The following CDH12 variants were observed in gnomAD, a reference collection of about 807,000 sequenced individuals.
CDH12 encodes cadherin-12.
CDH12 carries 41 observed loss-of-function variants against 74.1 expected under a neutral mutation model. That is an observed-to-expected ratio of 0.55 (90% CI 0.43 to 0.72). The LOEUF is 0.72. CDH12 is among the 30% of genes least tolerant of loss of function. The pLI is 0.00. For synonymous variants in CDH12, 399 were observed against 355.0 expected (o/e 1.12, Z -1.39); for missense variants, 945 against 977.2 (o/e 0.97, Z 0.44).
intron 5 of CDH12, among the ~76,000 whole-genome samples, chr5:22,078,057 C>G (rs1235331999): frequency 6.6e-6 from 1 of 152,002 alleles, no homozygotes; most frequent in African/African-American, 2.4e-5. Context: ...TTCTCTGTGT[C>G]TCTTATTGCT....
intron 2 of CDH12, among the ~76,000 whole-genome samples, chr5:22,464,408 T>G (rs572910728): frequency 6.6e-6 from 1 of 152,222 alleles, no homozygotes; most frequent in Non-Finnish European, 1.5e-5. Context: ...TCCTCAACTC[T>G]TCCTCACCTT....
chr5:22,732,203 C>T (rs529203769), intron 1 of CDH12, among the ~76,000 whole-genome samples: 1 of 151,920 alleles, frequency 6.6e-6, no homozygotes, highest in Non-Finnish European at 1.5e-5. Flanking sequence ...TGGCTTATAG[C>T]TGCCAGTTTT....
At chr5:22,814,866 T>A (rs1749313084) in intron 1 of CDH12, among the ~76,000 whole-genome samples, 1 of 152,188 alleles carries the variant, frequency 6.6e-6, no homozygotes, top group African/African-American at 2.4e-5. Flanking sequence ...TATGTATAAA[T>A]GAGTGGCATT....
At chr5:22,503,498 A>T (rs1190895861) in intron 2 of CDH12, among the ~76,000 whole-genome samples, 1 of 152,040 alleles carries the variant, frequency 6.6e-6, no homozygotes, top group Non-Finnish European at 1.5e-5. Context: ...CACTGAGATT[A>T]TTCTCAGCTG....
rs78780527 is a variant in CDH12, at chr5:22,719,140, G to A, written c.-523+133918C>T. ...ATCTGAAGTGAGGGCAGTCTTGTGGGGATGGTTCCCTCAGCCTTTGCAGTT... is the reference window on the plus strand; with the variant it reads ...ATCTGAAGTGAGGGCAGTCTTGTGGAGATGGTTCCCTCAGCCTTTGCAGTT... On this transcript the variant is annotated intron_variant, in intron 1 of 14. Transcript: ENST00000382254. Among the ~76,000 whole-genome samples the A allele has an allele frequency of 2.5e-4, 38 of 152,178 alleles. No individual in the cohort carries two copies. The East Asian group carries it at 7.2e-3, about 29-fold the overall frequency.
chr5:21,841,238 C>T (rs1406323093), intron 8 of CDH12, among the ~76,000 whole-genome samples: 2 of 150,698 alleles, frequency 1.3e-5, no homozygotes, highest in African/African-American at 4.8e-5. Context: ...ATTTATGCAG[C>T]CAAAAAACAC....
chr5:22,140,451 A>G (rs938928508), intron 4 of CDH12, among the ~76,000 whole-genome samples: 12 of 75,268 alleles, frequency 1.6e-4, no homozygotes, highest in African/African-American at 3.8e-4. Flanking sequence ...TAAAAAGAGA[A>G]GTAAGTTTCC....
intron 4 of CDH12, among the ~76,000 whole-genome samples, chr5:22,152,902 C>T (rs926118419): frequency 4.6e-5 from 7 of 152,176 alleles, no homozygotes; most frequent in South Asian, 4.1e-4. Context: ...CTTAACGTAA[C>T]GTCCTCTAGG....
At chr5:22,665,557 T>A (rs1184873749) in intron 1 of CDH12, among the ~76,000 whole-genome samples, 1 of 152,182 alleles carries the variant, frequency 6.6e-6, no homozygotes, top group Non-Finnish European at 1.5e-5. Context: ...CTTGAGAGCA[T>A]TTCTAATGTT....
chr5:22,615,817 G>C (rs1449615279), intron 1 of CDH12, among the ~76,000 whole-genome samples: 1 of 152,102 alleles, frequency 6.6e-6, no homozygotes, highest in Admixed American at 6.6e-5. Context: ...ACCAGATAAT[G>C]AATGTATGGT....
At chr5:21,753,050 T>C (rs1003838085) in intron 14 of CDH12, among the ~76,000 whole-genome samples, 2 of 152,178 alleles carry the variant, frequency 1.3e-5, no homozygotes, top group Non-Finnish European at 2.9e-5. Flanking sequence ...AAATCAATGG[T>C]GTTTATTTCT....
chr5:22,242,526 C>G lies in CDH12; in HGVS notation c.-332-29883G>C, dbSNP rs746358448. ...TTCTAATCTCCCATCTCTAAATCCA[C>G]TTTTCCATAGTCTGTACTGGAATGT... On this transcript the variant is annotated intron_variant, in intron 3 of 14. Coordinates refer to ENST00000382254, the MANE Select transcript of CDH12 (RefSeq NM_004061.5). Among the ~76,000 whole-genome samples the G allele has an allele frequency of 2.0e-5, 3 of 152,164 alleles. 1 individual carries two copies. Among genetic ancestry groups the G allele is most frequent in the Admixed American group, 2.0e-4 (3 of 15,282 alleles).
At chr5:22,764,489 A>G (rs1163800488) in intron 1 of CDH12, among the ~76,000 whole-genome samples, 3 of 152,038 alleles carry the variant, frequency 2.0e-5, no homozygotes, top group Admixed American at 6.6e-5. Context: ...CTTCCCTACC[A>G]TAGAATCATA....
At chr5:22,633,679 T>G (rs1738693157) in intron 1 of CDH12, among the ~76,000 whole-genome samples, 1 of 152,206 alleles carries the variant, frequency 6.6e-6, no homozygotes, top group Non-Finnish European at 1.5e-5. Flanking sequence ...TCTCCTGCTC[T>G]GAGAACTCCT....
intron 4 of CDH12, among the ~76,000 whole-genome samples, chr5:22,099,850 T>G (rs558389279): frequency 6.6e-6 from 1 of 152,268 alleles, no homozygotes; most frequent in African/African-American, 2.4e-5. Flanking sequence ...TCTCCTTCTC[T>G]TATTCCGTTT....
chr5:22,121,970 A>G (rs969991290), intron 4 of CDH12, among the ~76,000 whole-genome samples: 4 of 152,102 alleles, frequency 2.6e-5, no homozygotes, highest in Non-Finnish European at 5.9e-5. Flanking sequence ...CAAAGTAACC[A>G]CTTTGACCAC....
intron 1 of CDH12, among the ~76,000 whole-genome samples, chr5:22,731,841 C>A (rs1014115563): frequency 1.3e-5 from 2 of 151,644 alleles, no homozygotes; most frequent in Admixed American, 1.3e-4. Context: ...CATGACTTAG[C>A]TAAAAAATAA....
intron 1 of CDH12, among the ~76,000 whole-genome samples, chr5:22,555,912 G>C (rs1226270105): frequency 1.3e-5 from 2 of 151,358 alleles, no homozygotes; most frequent in Admixed American, 1.3e-4. Context: ...GTTAAAAACT[G>C]GTCAAAAAAA....
intron 1 of CDH12, among the ~76,000 whole-genome samples, chr5:22,572,450 C>T (rs892888302): frequency 1.3e-5 from 2 of 152,012 alleles, no homozygotes; most frequent in Admixed American, 6.6e-5. Context: ...TTCACAAAAG[C>T]AGTTAGTGGA....
Sources: gnomAD v4.1 joint callset for allele counts (sites outside exome capture counted in the v4.1 genomes callset) on GRCh38, gnomAD v4.1.1 for gene constraint, MANE v1.5 for transcripts, NCBI Gene and HGNC (gene_info 2026-07-23, HGNC 2026-07-21) for gene names.